Variants in FARP1 observed in about 807,000 individuals in gnomAD.
The protein encoded by FARP1 is FERM, ARHGEF and pleckstrin domain-containing protein 1.
A neutral mutation model predicts 128.8 loss-of-function variants in FARP1; 52 were observed. The observed-to-expected ratio is 0.40, with a 90% CI of 0.32 to 0.51. The LOEUF (loss-of-function observed/expected upper bound fraction) is 0.51. Ranked by LOEUF, FARP1 falls within the 20% of genes least tolerant of loss-of-function variation. FARP1 has a pLI of 0.45. For synonymous variants in FARP1, 580 were observed against 551.8 expected, an observed-to-expected ratio of 1.05 and a Z score of -0.72; for missense variants, 1,333 against 1,367.9, an observed-to-expected ratio of 0.97 and a Z score of 0.40.
intron 1 of FARP1, among the ~76,000 whole-genome samples, chr13:98,182,245 TGTTA>T (rs959426556): frequency 6.3e-5 from 8 of 127,684 alleles, no homozygotes; most frequent in Middle Eastern, 3.8e-3. Context: ...ATTCAGAACT[TGTTA>T]GTCTTTTTAC....
In FARP1 at chr13:98,448,305, T is replaced by C. The variant is rs774035960; in HGVS notation, c.3126T>C (p.Ser1042=). 3 of 1,612,956 alleles carry C rather than the reference T, an allele frequency of 1.9e-6. No homozygotes were observed. Among genetic ancestry groups the C allele is most frequent in the Non-Finnish European group, 1.7e-6 (2 of 1,178,886 alleles). ...SRPHVLSHKE[S]LVY ...CCCACGTGTTGAGTCACAAAGAGTC[T>C]CTTGTGTATTGATGGCCGGACACAC... The change falls in exon 27 of 27, where the codon TCT becomes TCC. Residue 1042 remains serine (S), a synonymous_variant. Transcript: ENST00000319562.
chr13:98,175,523 G>GAA (rs5806050), intron 1 of FARP1, among the ~76,000 whole-genome samples: 83 of 150,456 alleles, frequency 5.5e-4, no homozygotes, highest in East Asian at 2.1e-3. Flanking sequence ...TAGCTTTTTT[G>GAA]AAAAAAAAAA....
chr13:98,288,720 G>A (rs1420156240), intron 2 of FARP1, among the ~76,000 whole-genome samples: 1 of 152,138 alleles, frequency 6.6e-6, no homozygotes, highest in African/African-American at 2.4e-5. Context: ...TTTTGATGGC[G>A]GTAACAGCAC....
chr13:98,164,189 G>A (rs1354132432), intron 1 of FARP1, among the ~76,000 whole-genome samples: 1 of 152,188 alleles, frequency 6.6e-6, no homozygotes, highest in Non-Finnish European at 1.5e-5. Context: ...GGACAGAAAG[G>A]CCCAGGAAAT....
At chr13:98,227,202 A>G (rs1840036556) in intron 2 of FARP1, among the ~76,000 whole-genome samples, 1 of 152,182 alleles carries the variant, frequency 6.6e-6, no homozygotes, top group South Asian at 2.1e-4. Flanking sequence ...TTGGCCTCCC[A>G]AAGTGCTGGG....
At chr13:98,159,186 GTGCTATTATCA>G (rs1413771304) in intron 1 of FARP1, among the ~76,000 whole-genome samples, 1 of 152,152 alleles carries the variant, frequency 6.6e-6, no homozygotes, top group African/African-American at 2.4e-5. Context: ...GGCCAGTTTT[GTGCTATTATCA>G]TGCTAGGCAC....
intron 2 of FARP1, among the ~76,000 whole-genome samples, chr13:98,297,749 T>G (rs1885761958): frequency 6.6e-6 from 1 of 152,140 alleles, no homozygotes; most frequent in South Asian, 2.1e-4. Context: ...CTCATCTGAT[T>G]CTCAAAAGGG....
chr13:98,424,893 G>T (rs200297605), intron 17 of FARP1, among the ~76,000 whole-genome samples: 2,349 of 147,502 alleles, frequency 0.016, 63 homozygotes, highest in African/African-American at 0.054. Flanking sequence ...TGATTTTGGG[G>T]TTTTTTTTTT....
rs1012890212 is a variant in FARP1 at position 98,264,071 on chromosome 13, G to T, written c.171+50658G>T. Among the ~76,000 whole-genome samples the T allele has an allele frequency of 7.2e-5, 11 of 152,158 alleles. 1 individual carries two copies. The highest frequency in any genetic ancestry group is 6.5e-4 in the Admixed American group (10 of 15,282). On this transcript the variant is annotated intron_variant, in intron 2 of 26. Transcript: ENST00000319562. ...TGTGTTAGGCAGAGGGCACAAGGCA[G>T]GCATAGCCAGACTCCCACAGAGCTT... is the stretch of plus-strand genomic sequence containing the variant.
At chr13:98,325,263 T>C (rs1195472512) in intron 2 of FARP1, among the ~76,000 whole-genome samples, 1 of 152,224 alleles carries the variant, frequency 6.6e-6, no homozygotes, top group East Asian at 1.9e-4. Flanking sequence ...TTTTACATTA[T>C]TGGATTCATC....
At chr13:98,384,899 A>C in intron 7 of FARP1, 55 bp downstream of exon 7, 2 of 1,061,644 alleles carry the variant, frequency 1.9e-6, no homozygotes, top group Non-Finnish European at 3.0e-6. Context: ...TCTGCCTCCA[A>C]CCTACATGGG....
chr13:98,275,891 T>C (rs577766427), intron 2 of FARP1, among the ~76,000 whole-genome samples: 11 of 152,366 alleles, frequency 7.2e-5, no homozygotes, highest in African/African-American at 2.6e-4. Flanking sequence ...CATTGATTTC[T>C]TAATGCATTT....
At chr13:98,308,432 C>T (rs982333280) in intron 2 of FARP1, among the ~76,000 whole-genome samples, 25 of 149,376 alleles carry the variant, frequency 1.7e-4, no homozygotes, top group Middle Eastern at 3.4e-3. Context: ...GCAGCGAATG[C>T]ATCACCTGAG....
intron 2 of FARP1, among the ~76,000 whole-genome samples, chr13:98,312,997 A>G (rs1886545088): frequency 6.6e-6 from 1 of 152,132 alleles, no homozygotes; most frequent in African/African-American, 2.4e-5. Context: ...CCTCCAAAAT[A>G]TGTTGAAGTC....
chr13:98,144,664 GA>G (rs969208747), intron 1 of FARP1, among the ~76,000 whole-genome samples: 24 of 152,186 alleles, frequency 1.6e-4, no homozygotes, highest in Non-Finnish European at 3.2e-4. Context: ...GTGACTTGCG[GA>G]GCCCATTTCA....
chr13:98,309,630 G>T (rs1167250874), intron 2 of FARP1, among the ~76,000 whole-genome samples: 1 of 152,150 alleles, frequency 6.6e-6, no homozygotes, highest in African/African-American at 2.4e-5. Context: ...CTTAAAAAAT[G>T]CTTAAAAAAG....
chr13:98,201,670 A>G (rs954922727), intron 1 of FARP1, among the ~76,000 whole-genome samples: 3 of 152,204 alleles, frequency 2.0e-5, no homozygotes, highest in Admixed American at 6.5e-5. Flanking sequence ...AATAACCCCT[A>G]TGAAAATGAT....
intron 1 of FARP1, among the ~76,000 whole-genome samples, chr13:98,154,321 C>T (rs1566672297): frequency 1.3e-5 from 2 of 152,058 alleles, no homozygotes; most frequent in African/African-American, 2.4e-5. Flanking sequence ...CACTTGGTAT[C>T]GTATTTTTTA....
rs1339753682 is a variant in FARP1, at chr13:98,176,549, G to A, written c.-24+33057G>A. 1.2e-6 allele frequency: 2 copies of A among 1,614,052 alleles called. No individual in the cohort carries two copies. Among genetic ancestry groups the A allele is most frequent in the African/African-American group, 1.3e-5 (1 of 74,916 alleles). On this transcript the variant is annotated intron_variant, in intron 1 of 26. Transcript: ENST00000319562. The surrounding 1 kb of genome is among the most constrained non-coding windows in gnomAD (Gnocchi z 6.2). ...CAGATACAGTAGCGACCCTCTTCAA[G>A]CTCCCGTTCAATCTCCCACCCGAGC...
Sources: gnomAD v4.1 joint callset for allele counts (sites outside exome capture counted in the v4.1 genomes callset) on GRCh38, gnomAD v4.1.1 for gene constraint, Gnocchi (gnomAD v3.1) non-coding constraint, MANE v1.5 for transcripts, NCBI Gene and HGNC (gene_info 2026-07-23, HGNC 2026-07-21) for gene names.